Variants in PCDHGB2 observed in about 807,000 individuals in gnomAD.
PCDHGB2 encodes protocadherin gamma-B2.
PCDHGB2 carries 55 observed loss-of-function variants against 59.3 expected under a neutral mutation model. The observed-to-expected ratio is 0.93, with a 90% confidence interval of 0.75 to 1.16. PCDHGB2 has a LOEUF of 1.16. Among genes scored for constraint, PCDHGB2 ranks in the 50% most tolerant of loss-of-function variants. The probability of loss-of-function intolerance (pLI) is 0.00; values close to 1 mark genes in which losing one functional copy is unlikely to be tolerated. For missense variants in PCDHGB2, 1,228 were observed against 1,198.5 expected, an observed-to-expected ratio of 1.02 and a Z score of -0.36; for synonymous variants, 516 against 512.0, an observed-to-expected ratio of 1.01 and a Z score of -0.11.
chr5:141,473,116 G>A (rs966472502), intron 1 of PCDHGB2, among the ~76,000 whole-genome samples: 19 of 152,114 alleles, frequency 1.2e-4, no homozygotes, highest in African/African-American at 4.6e-4. Context: ...ACTTTACTTG[G>A]CTCTTTGGCA....
chr5:141,370,888 A>G, intron 1 of PCDHGB2: 1 of 1,614,036 alleles, frequency 6.2e-7, no homozygotes, highest in Non-Finnish European at 8.5e-7. Context: ...GTAGGTGTCA[A>G]TTCGCTGCAG....
chr5:141,390,650 G>A lies in PCDHGB2; in HGVS notation c.2421+28094G>A, dbSNP rs750733568. ...TATGATGAATACTTTTTTCAGCTTG[G>A]ATATACCATAAATATAAAAATAATA... On this transcript the variant is annotated intron_variant, in intron 1 of 3. Coordinates refer to ENST00000522605, the MANE Select transcript of PCDHGB2 (RefSeq NM_018923.3). 69 of 210,892 alleles carry A rather than the reference G, an allele frequency of 3.3e-4. 1 individual carries two copies. The highest frequency in any genetic ancestry group is 5.4e-4 in the Non-Finnish European group (57 of 106,318). The allele number at this position is 210,892 out of a possible 1,614,324, so 13.1% of individuals were successfully genotyped here.
chr5:141,510,837 GTCAAGGCCCAGGGTGC>G, intron 3 of PCDHGB2, 94 bp from the exon 4 acceptor site: 1 of 1,586,392 alleles, frequency 6.3e-7, no homozygotes, highest in Non-Finnish European at 8.6e-7. Flanking sequence ...GCTCAGCGTG[GTCAAGGCCCAGGGTGC>G]TGTATAGGCA....
intron 1 of PCDHGB2, chr5:141,367,812 C>T (rs1012186611): frequency 2.6e-5 from 4 of 151,872 alleles, no homozygotes; most frequent in African/African-American, 9.7e-5. Context: ...ATAGATAAAC[C>T]CTTTACTTAT....
intron 1 of PCDHGB2, chr5:141,398,152 G>T: frequency 5.3e-6 from 8 of 1,498,488 alleles, no homozygotes; most frequent in Non-Finnish European, 7.1e-6. Context: ...CGGGGAGCTG[G>T]GCCGGGCTGA....
At chr5:141,370,245 C>G (rs1766766732) in intron 1 of PCDHGB2, 1 of 646,036 alleles carries the variant, frequency 1.5e-6, no homozygotes, top group Non-Finnish European at 2.5e-6. Context: ...GAAAAGTGCA[C>G]TCTCTATCAG....
chr5:141,404,124 C>A, intron 1 of PCDHGB2: 1 of 1,613,272 alleles, frequency 6.2e-7, no homozygotes, highest in Non-Finnish European at 8.5e-7. Context: ...GAGAATCTAT[C>A]TTTTACATTA....
chr5:141,498,437 G>C (rs996627716), intron 2 of PCDHGB2, among the ~76,000 whole-genome samples: 1 of 152,170 alleles, frequency 6.6e-6, no homozygotes, highest in Non-Finnish European at 1.5e-5. Flanking sequence ...GGGATGAAGA[G>C]GAGAGGTTCC....
At chr5:141,503,230 G>A (rs911238781) in intron 2 of PCDHGB2, among the ~76,000 whole-genome samples, 1 of 152,006 alleles carries the variant, frequency 6.6e-6, no homozygotes, top group African/African-American at 2.4e-5. Context: ...CCGTAAAGAT[G>A]GACAGTTTCT....
chr5:141,365,416 C>G, intron 1 of PCDHGB2: 1 of 1,613,930 alleles, frequency 6.2e-7, no homozygotes, highest in Non-Finnish European at 8.5e-7. Context: ...ACTGTCTTCC[C>G]GGAACTGTAA....
chr5:141,505,283 G>A, intron 2 of PCDHGB2, 110 bp from the exon 3 acceptor site: 5 of 1,547,446 alleles, frequency 3.2e-6, no homozygotes, highest in Non-Finnish European at 3.5e-6. Flanking sequence ...ACAGGTCTTG[G>A]GCATGGGGTA....
chr5:141,437,978 C>T (rs1014157103), intron 1 of PCDHGB2, among the ~76,000 whole-genome samples: 2 of 152,212 alleles, frequency 1.3e-5, no homozygotes, highest in East Asian at 1.9e-4. Context: ...TCTTGGGATG[C>T]ACCCACCCCA....
Position 141,364,369 on chromosome 5 carries a change from G to A in PCDHGB2, c.2421+1813G>A, listed in dbSNP as rs561217831. The A allele has an allele frequency of 3.3e-5, 52 of 1,567,648 alleles. 1 individual carries two copies. Among genetic ancestry groups the A allele is most frequent in the Non-Finnish European group, 3.6e-5 (42 of 1,158,852 alleles). Reference sequence around the variant, plus strand: ...CTAGGGGCTGGGGCTGCGGAGAGCTGCTGCTGCCCTTCATGCTCCTGGGGA... The same window carrying A: ...CTAGGGGCTGGGGCTGCGGAGAGCTACTGCTGCCCTTCATGCTCCTGGGGA... On this transcript the variant is annotated intron_variant, in intron 1 of 3. Coordinates refer to ENST00000522605, the MANE Select transcript of PCDHGB2 (RefSeq NM_018923.3).
intron 1 of PCDHGB2, chr5:141,389,372 G>A: frequency 6.2e-7 from 1 of 1,613,806 alleles, no homozygotes; most frequent in South Asian, 1.1e-5. Flanking sequence ...ACCTGGAGCA[G>A]CGGGAGCTGT....
intron 1 of PCDHGB2, chr5:141,377,007 T>G (rs985572001): frequency 6.4e-6 from 1 of 155,470 alleles, no homozygotes; most frequent in Non-Finnish European, 1.4e-5. Context: ...TTTTTATTGG[T>G]TGACAGGAAA....
At chr5:141,364,421 A>AT in intron 1 of PCDHGB2, 1 of 1,613,602 alleles carries the variant, frequency 6.2e-7, no homozygotes, top group South Asian at 1.1e-5. Context: ...ATCCGGGCAG[A>AT]TCCGCTACTC....
chr5:141,392,931 G>T, intron 1 of PCDHGB2: 1 of 1,613,920 alleles, frequency 6.2e-7, no homozygotes, highest in Non-Finnish European at 8.5e-7. Context: ...AGAAGAGACG[G>T]ACAAAGGCTC....
chr5:141,449,932 A>T (rs1275797555), intron 1 of PCDHGB2, among the ~76,000 whole-genome samples: 6 of 151,660 alleles, frequency 4.0e-5, no homozygotes, highest in Non-Finnish European at 5.9e-5. Flanking sequence ...CATACCTTAT[A>T]GTATATTTTA....
chr5:141,423,546 G>A, intron 1 of PCDHGB2: 1 of 1,613,708 alleles, frequency 6.2e-7, no homozygotes, highest in Non-Finnish European at 8.5e-7. Flanking sequence ...TTTTCCCCCA[G>A]CCCAACTATG....
Sources: allele counts gnomAD v4.1 joint callset (sites outside exome capture counted in the v4.1 genomes callset), GRCh38; gene constraint gnomAD v4.1.1; transcripts MANE v1.5; gene names NCBI Gene and HGNC (gene_info 2026-07-23, HGNC 2026-07-21).